Variants in TENM2 observed in about 807,000 individuals in gnomAD.
The protein encoded by TENM2 is teneurin-2.
In TENM2, 52 loss-of-function variants were observed where a neutral mutation model predicts 245.2. The observed-to-expected ratio is 0.21, with a 90% CI of 0.17 to 0.27. TENM2 has a LOEUF of 0.27. Among genes scored for constraint, TENM2 ranks in the 10% least tolerant of loss-of-function variants. The probability of loss-of-function intolerance (pLI) is 1.00; values close to 1 mark genes in which losing one functional copy is unlikely to be tolerated. For synonymous variants in TENM2, 1,363 were observed against 1,438.9 expected, an observed-to-expected ratio of 0.95 and a Z score of 1.19; for missense variants, 3,046 against 3,666.8, an observed-to-expected ratio of 0.83 and a Z score of 4.37.
intron 2 of TENM2, among the ~76,000 whole-genome samples, chr5:167,643,756 T>C (rs945420830): frequency 3.3e-5 from 5 of 152,200 alleles, no homozygotes; most frequent in Admixed American, 3.3e-4. Context: ...CCCTAAATGG[T>C]GGAAATATAA....
At chr5:167,613,925 G>T (rs1777626604) in intron 2 of TENM2, among the ~76,000 whole-genome samples, 1 of 152,058 alleles carries the variant, frequency 6.6e-6, no homozygotes, top group African/African-American at 2.4e-5. Flanking sequence ...AATTATTCAT[G>T]TTTATTGCTT....
At chr5:167,014,989 A>C in the TENM2 span, among the ~76,000 whole-genome samples, 1 of 152,220 alleles carries the variant, frequency 6.6e-6, no homozygotes, top group Admixed American at 6.5e-5. Context: ...TAAAAAATTT[A>C]TATAAACCAT....
intron 2 of TENM2, among the ~76,000 whole-genome samples, chr5:167,742,980 C>A (rs78687279): frequency 1.3e-3 from 3 of 2,324 alleles, no homozygotes; most frequent in Non-Finnish European, 1.9e-3. Context: ...GTCTTAAAAA[C>A]AACAACAACA....
At chr5:168,235,907 A>G (rs148200628) in intron 25 of TENM2, among the ~76,000 whole-genome samples, 105 of 152,280 alleles carry the variant, frequency 6.9e-4, no homozygotes, top group African/African-American at 2.4e-3. Context: ...TGAGAAAATG[A>G]CATTTGAACT....
intron 2 of TENM2, among the ~76,000 whole-genome samples, chr5:167,803,594 C>T (rs1227112532): frequency 6.6e-6 from 1 of 151,956 alleles, no homozygotes; most frequent in Non-Finnish European, 1.5e-5. Flanking sequence ...AGATCTGATA[C>T]TTCAGGGTTT....
At chr5:167,797,402 A>G (rs534972633) in intron 2 of TENM2, among the ~76,000 whole-genome samples, 86 of 152,300 alleles carry the variant, frequency 5.6e-4, no homozygotes, top group African/African-American at 2.0e-3. Context: ...AACAGCTCTT[A>G]GAAGCAATTA....
the TENM2 span, among the ~76,000 whole-genome samples, chr5:167,278,630 C>T: frequency 6.6e-6 from 1 of 152,026 alleles, no homozygotes; most frequent in Non-Finnish European, 1.5e-5. Context: ...ATTGTACATA[C>T]GTATCTTATC....
chr5:167,792,289 A>G (rs1286290811), intron 2 of TENM2, among the ~76,000 whole-genome samples: 1 of 152,008 alleles, frequency 6.6e-6, no homozygotes, highest in East Asian at 1.9e-4. Context: ...TGTTGTCATT[A>G]CAACCTACAC....
chr5:167,634,888 T>C (rs1779097496), intron 2 of TENM2, among the ~76,000 whole-genome samples: 1 of 152,182 alleles, frequency 6.6e-6, no homozygotes, highest in Admixed American at 6.5e-5. Context: ...GATAATTTCA[T>C]GAAAATAAGT....
chr5:167,668,101 C>A (rs995894224), intron 2 of TENM2, among the ~76,000 whole-genome samples: 1 of 152,118 alleles, frequency 6.6e-6, no homozygotes, highest in Non-Finnish European at 1.5e-5. Context: ...GGTGTTCTCA[C>A]CTTTGAAAAT....
intron 7 of TENM2, among the ~76,000 whole-genome samples, chr5:168,073,031 T>TG (rs1791159679): frequency 6.6e-6 from 1 of 152,162 alleles, no homozygotes; most frequent in South Asian, 2.1e-4. Context: ...AGCAGAGGTT[T>TG]GGGGTGCCTC....
At chr5:167,097,780 C>T in the TENM2 span, among the ~76,000 whole-genome samples, 70 of 152,074 alleles carry the variant, frequency 4.6e-4, no homozygotes, top group Admixed American at 2.2e-3. Context: ...GTCCCTTTTT[C>T]GTGGTATGTG....
chr5:168,108,012 G>C (rs1373826112), intron 9 of TENM2, among the ~76,000 whole-genome samples: 2 of 152,174 alleles, frequency 1.3e-5, no homozygotes, highest in Non-Finnish European at 2.9e-5. Context: ...TTGGTACCTA[G>C]GACAAAATAT....
the TENM2 span, among the ~76,000 whole-genome samples, chr5:167,134,061 G>C: frequency 6.6e-6 from 1 of 152,102 alleles, no homozygotes; most frequent in African/African-American, 2.4e-5. Context: ...TTTATCCATA[G>C]AATAGTCATC....
At chr5:167,450,045 A>AGATG (rs983913082) in intron 2 of TENM2, among the ~76,000 whole-genome samples, 12 of 152,224 alleles carry the variant, frequency 7.9e-5, no homozygotes, top group African/African-American at 2.6e-4. Context: ...ATGCGTGGCT[A>AGATG]GATGGATGGA....
At chr5:168,161,006 G>T (rs112270762) in intron 12 of TENM2, among the ~76,000 whole-genome samples, 1,608 of 152,136 alleles carry the variant, frequency 0.011, 33 homozygotes, top group African/African-American at 0.037. Context: ...ACTCCAGCCT[G>T]AGTGAGAGAG....
At chr5:167,555,208 G>C (rs1387915172) in intron 2 of TENM2, among the ~76,000 whole-genome samples, 1 of 152,104 alleles carries the variant, frequency 6.6e-6, no homozygotes, top group Non-Finnish European at 1.5e-5. Context: ...ATTTGGGGCT[G>C]GCTACGACAA....
At chr5:167,188,980 T>G in the TENM2 span, among the ~76,000 whole-genome samples, 1 of 152,192 alleles carries the variant, frequency 6.6e-6, no homozygotes, top group East Asian at 1.9e-4. Flanking sequence ...TTTGTTCCAC[T>G]GAGGCTTATT....
intron 1 of TENM2, among the ~76,000 whole-genome samples, chr5:167,305,270 T>A (rs375329698): frequency 2.0e-5 from 3 of 152,224 alleles, no homozygotes; most frequent in Non-Finnish European, 4.4e-5. Context: ...GTCTGGACAC[T>A]GTGAGAGCTT....
Sources: gnomAD v4.1 joint callset for allele counts (sites outside exome capture counted in the v4.1 genomes callset) on GRCh38, gnomAD v4.1.1 for gene constraint, MANE v1.5 for transcripts, NCBI Gene and HGNC (gene_info 2026-07-23, HGNC 2026-07-21) for gene names.